ANKRD13D: variants seen among roughly 807,000 people sequenced by gnomAD.
The protein encoded by ANKRD13D is ankyrin repeat domain-containing protein 13D.
Under a neutral mutation model 68.8 loss-of-function variants are expected in ANKRD13D, and 24 were observed. The observed-to-expected ratio is 0.35, with a 90% CI of 0.25 to 0.49. ANKRD13D has a LOEUF of 0.49. Among genes scored for constraint, ANKRD13D ranks in the 20% least tolerant of loss-of-function variants. The pLI is 0.99. For synonymous variants in ANKRD13D, 331 were observed against 336.1 expected, an observed-to-expected ratio of 0.98 and a Z score of 0.16; for missense variants, 735 against 832.1, an observed-to-expected ratio of 0.88 and a Z score of 1.44.
Position 67,299,885 on chromosome 11 carries a change from C to G in ANKRD13D, c.939C>G (p.Thr313=). 6.5e-7 allele frequency: 1 copy of G among 1,545,816 alleles called. No homozygotes were observed. Among genetic ancestry groups the G allele is most frequent in the Non-Finnish European group, 8.7e-7 (1 of 1,145,090 alleles). The part of the protein sequence containing the change: ...LGMAQQHSSH[T]GAPVQQAASP... ...TGGCGCAGCAGCATTCCTCCCACAC[C>G]GGGGTGAGCCGGGGCTGGGCCGAGA... Residue 313 remains threonine (T), a synonymous_variant, in exon 9 of 15, where the codon ACC becomes ACG. Transcript: ENST00000511455. This position sits in a 1 kb window ranked among gnomAD's most constrained non-coding sequence, Gnocchi z 6.2.
chr11:67,289,388 T>C lies in ANKRD13D; in HGVS notation c.-73T>C, dbSNP rs1278845033. 5 of 1,148,446 alleles carry C rather than the reference T, an allele frequency of 4.4e-6. No homozygotes were observed. Among genetic ancestry groups the C allele is most frequent in the Non-Finnish European group, 4.4e-6 (4 of 911,734 alleles). 71.1% of individuals were successfully genotyped at this position (1,148,446 alleles called of 1,614,324 possible). On this transcript the variant is annotated 5_prime_UTR_variant, in exon 1 of 15. Transcript: ENST00000511455. ...GCGGGGGGCGCAGCTGGGGCGCGGC[T>C]CGGAGGGGAGGCTAGGGGGCCGTGC... is the stretch of plus-strand genomic sequence containing the variant.
chr11:67,291,472 T>C lies in ANKRD13D; in HGVS notation c.352-4T>C, dbSNP rs1367661162. ...CGCTGACAAGCAGCTCTGGTTTCTC[T>C]TAGGCCCCCGATTTCTACGTTGAGA... On this transcript the variant is annotated splice_region_variant and splice_polypyrimidine_tract_variant and intron_variant, in intron 3 of 14. Transcript: ENST00000511455. 6.2e-7 allele frequency: 1 copy of C among 1,613,746 alleles called. No homozygotes were observed.
rs1860977861 is a variant in ANKRD13D, at chr11:67,301,317, A to G, written c.1267A>G (p.Thr423Ala). The change falls in exon 12 of 15, where the codon ACC (threonine) becomes GCC (alanine). Residue 423 changes from threonine (T) to alanine (A), a missense_variant. Transcript: ENST00000511455. This position sits in a 1 kb window ranked among gnomAD's most constrained non-coding sequence, Gnocchi z 4.5. ...TTTCCACGTGCTCAATGCCCGCATC[A>G]CCTTCAGCAACCTGTGTGGCTGTGA... The part of the protein sequence containing the change: ...PLFHVLNARI[T>A]FSNLCGCDEP... 3.1e-6 allele frequency: 5 copies of G among 1,613,576 alleles called. No homozygotes were observed. Among genetic ancestry groups the G allele is most frequent in the Non-Finnish European group, 4.2e-6 (5 of 1,179,788 alleles).
chr11:67,299,306 C>T lies in ANKRD13D; in HGVS notation c.798+182C>T. The T allele has an allele frequency of 1.3e-6, 1 of 753,110 alleles. No homozygotes were observed. Among genetic ancestry groups the T allele is most frequent in the Admixed American group, 2.6e-5 (1 of 38,790 alleles). 46.7% of individuals were successfully genotyped at this position (753,110 alleles called of 1,614,324 possible). ...CAGGGCTCACCCACATCATGGGCCC[C>T]TACCCAGGGTACCGAGATCAAAAGA... On this transcript the variant is annotated intron_variant, in intron 7 of 14. Transcript: ENST00000511455. This position sits in a 1 kb window ranked among gnomAD's most constrained non-coding sequence, Gnocchi z 6.2.
At chr11:67,297,530 T>G (rs1433415763) in intron 6 of ANKRD13D, among the ~76,000 whole-genome samples, 1 of 145,620 alleles carries the variant, frequency 6.9e-6, no homozygotes, top group Non-Finnish European at 1.5e-5. Context: ...TTTTTGGTTT[T>G]TTTTTTTTTT....
chr11:67,289,511 C>T lies in ANKRD13D; in HGVS notation c.51C>T (p.Asn17=). 4.6e-6 allele frequency: 7 copies of T among 1,522,090 alleles called. No individual in the cohort carries two copies. The highest frequency in any genetic ancestry group is 6.1e-6 in the Non-Finnish European group (7 of 1,141,966). The allele number at this position is 1,522,090 out of a possible 1,614,324, so 94.3% of individuals were successfully genotyped here. A position where few individuals can be genotyped will look rare whatever the true frequency, so the allele number is the denominator to read the frequency against. ...TFPLHRLVWA[N]RHRELEAALH... is the part of the protein sequence containing the mutation. ...CGCTGCACCGGCTCGTCTGGGCGAA[C>T]CGGCATCGCGAACTGGAGGCCGCAC... is the stretch of plus-strand genomic sequence containing the variant. Residue 17 remains asparagine, a synonymous_variant, in exon 1 of 15, where the codon AAC becomes AAT. Transcript: ENST00000511455.
rs144569146 is a variant in ANKRD13D, at chr11:67,292,140, G to A, written c.691G>A (p.Val231Ile). 1.6e-4 allele frequency: 258 copies of A among 1,609,218 alleles called. 2 individuals are homozygous for A. In the African/African-American group the frequency reaches 2.7e-3, roughly 17 times the overall value. ...HVASRLTSPI[V>I]STHLDTRNVA... Reference sequence around the variant, plus strand: ...GGCCAGTCGCCTCACCTCTCCTATCGTCTCCACCCACCTGGACACTCGTAA... The same window carrying A: ...GGCCAGTCGCCTCACCTCTCCTATCATCTCCACCCACCTGGACACTCGTAA... The change falls in exon 6 of 15, where the codon GTC becomes ATC. Residue 231 changes from valine (V) to isoleucine (I), a missense_variant. Coordinates refer to ENST00000511455, the MANE Select transcript of ANKRD13D (RefSeq NM_207354.3).
chr11:67,298,156 T>C (rs893456304), intron 6 of ANKRD13D: 2 of 150,412 alleles, frequency 1.3e-5, no homozygotes, highest in Non-Finnish European at 1.5e-5. Context: ...CTGCCTCCGA[T>C]GTTCACGCCA....
chr11:67,298,814 C>T, intron 6 of ANKRD13D: 1 of 540,762 alleles, frequency 1.8e-6, no homozygotes, highest in Non-Finnish European at 3.3e-6. Flanking sequence ...TAAACCCAGC[C>T]CCGACACTAT....
Position 67,290,201 on chromosome 11 carries a change from C to G in ANKRD13D, c.214C>G (p.Gln72Glu). 1 of 1,538,854 alleles carries G rather than the reference C, an allele frequency of 6.5e-7. No homozygotes were observed. The highest frequency in any genetic ancestry group is 8.7e-7 in the Non-Finnish European group (1 of 1,146,894). Residue 72 changes from glutamine to glutamate, a missense_variant, in exon 2 of 15, where the codon CAG becomes GAG. Physicochemically the swap from Gln to Glu is conservative, Grantham distance 29 (BLOSUM62 2). Transcript: ENST00000511455. Reference protein sequence around the residue: ...HNANVGKENRQGWAVLQEAVS... With the variant: ...HNANVGKENREGWAVLQEAVS... ...TGCCAACGTGGGCAAAGAGAACCGC[C>G]AGGGCTGGGCAGGTACTGCAGAGGA...
rs748897038 is a variant in ANKRD13D, at chr11:67,301,176, G to A, written c.1231+29G>A. ...AGAGGCTGGGCACAGGCAGCGGGAG[G>A]ACCTCAGGCATGGCACCCTCCCTCA... On this transcript the variant is annotated intron_variant, in intron 11 of 14. Coordinates refer to ENST00000511455, the MANE Select transcript of ANKRD13D (RefSeq NM_207354.3). This position sits in a 1 kb window ranked among gnomAD's most constrained non-coding sequence, Gnocchi z 4.5. 4.5e-5 allele frequency: 72 copies of A among 1,609,214 alleles called. No homozygotes were observed. Among genetic ancestry groups the A allele is most frequent in the Non-Finnish European group, 5.4e-5 (64 of 1,177,282 alleles).
chr11:67,298,898 T>C, intron 6 of ANKRD13D, 160 bp from the exon 7 acceptor site: 1 of 708,216 alleles, frequency 1.4e-6, no homozygotes, highest in Non-Finnish European at 2.5e-6. Context: ...TCCCCCCCTG[T>C]CCAGGCACCC....
chr11:67,289,803 A>G (rs1485000939), intron 1 of ANKRD13D: 12 of 1,422,072 alleles, frequency 8.4e-6, no homozygotes, highest in Non-Finnish European at 1.0e-5. Context: ...CAAGCTGAGA[A>G]CAAGAACTCT....
chr11:67,291,118 G>A (rs1227356550), intron 3 of ANKRD13D: 3 of 275,470 alleles, frequency 1.1e-5, no homozygotes, highest in Non-Finnish European at 2.1e-5. Context: ...AGCGCTTTCT[G>A]AGGCCAAAGT....
chr11:67,289,573 G>A (rs1033695616), intron 1 of ANKRD13D, 23 bp downstream of exon 1: 2 of 1,508,592 alleles, frequency 1.3e-6, no homozygotes, highest in African/African-American at 1.5e-5. Flanking sequence ...TGGGGCACCC[G>A]GCCCTTCCCC....
chr11:67,299,570 G>T lies in ANKRD13D; in HGVS notation c.839G>T (p.Arg280Leu). Reference protein sequence around the residue: ...ATNVELVTRTRTEHLSDQDKS... With the variant: ...ATNVELVTRTLTEHLSDQDKS... ...AACGTGGAGCTGGTGACACGCACAC[G>T]CACGGAGCACCTCTCTGATCAGGAC... Residue 280 changes from arginine to leucine, a missense_variant, in exon 8 of 15, where the codon CGC becomes CTC. Coordinates refer to ENST00000511455, the MANE Select transcript of ANKRD13D (RefSeq NM_207354.3). This position sits in a 1 kb window ranked among gnomAD's most constrained non-coding sequence, Gnocchi z 6.2. 6.4e-7 allele frequency: 1 copy of T among 1,551,098 alleles called. No individual in the cohort carries two copies. The highest frequency in any genetic ancestry group is 8.7e-7 in the Non-Finnish European group (1 of 1,146,946).
chr11:67,294,202 T>C (rs1860680171), intron 6 of ANKRD13D, among the ~76,000 whole-genome samples: 1 of 152,210 alleles, frequency 6.6e-6, no homozygotes, highest in African/African-American at 2.4e-5. Context: ...TTCAGGGTTA[T>C]TTCAGTATTT....
rs770430593 is a variant in ANKRD13D at position 67,301,738 on chromosome 11, G to A, written c.1519G>A (p.Val507Ile). 20 of 1,611,290 alleles carry A rather than the reference G, an allele frequency of 1.2e-5. No homozygotes were observed. Among genetic ancestry groups the A allele is most frequent in the South Asian group, 2.2e-5 (2 of 90,944 alleles). ...EAGTEAEQVT[V>I]WEALTNTRPG... ...TGGGCTCTGGTGGCTGCAGGTGACC[G>A]TCTGGGAAGCCCTGACCAACACCCG... The change falls in exon 14 of 15, where the codon GTC (valine) becomes ATC (isoleucine). Residue 507 changes from valine to isoleucine, a missense_variant. By Grantham distance (29) the Val-to-Ile change is conservative (BLOSUM62 3). Transcript: ENST00000511455. The surrounding 1 kb of genome is among the most constrained non-coding windows in gnomAD (Gnocchi z 4.5).
At position 67,299,506 on chromosome 11, in the gene ANKRD13D, C is replaced by A; in HGVS notation, c.799-24C>A. The A allele has an allele frequency of 6.5e-7, 1 of 1,545,468 alleles. No homozygotes were observed. The highest frequency in any genetic ancestry group is 8.8e-7 in the Non-Finnish European group (1 of 1,142,804). On this transcript the variant is annotated intron_variant, in intron 7 of 14. Transcript: ENST00000511455. This position sits in a 1 kb window ranked among gnomAD's most constrained non-coding sequence, Gnocchi z 6.2. ...TGGGGAGCAGGCTCTGAGCCCCCAGCTCCCCGTGTCCCCTGCTCCCCAGGT... is the reference window on the plus strand; with the variant it reads ...TGGGGAGCAGGCTCTGAGCCCCCAGATCCCCGTGTCCCCTGCTCCCCAGGT...
Sources: allele counts gnomAD v4.1 joint callset (sites outside exome capture counted in the v4.1 genomes callset), GRCh38; gene constraint gnomAD v4.1.1; non-coding constraint Gnocchi (gnomAD v3.1); transcripts MANE v1.5; gene names NCBI Gene and HGNC (gene_info 2026-07-23, HGNC 2026-07-21).